Variants in CTNNA3 observed in about 807,000 individuals in gnomAD.
The protein encoded by CTNNA3 is catenin alpha-3.
CTNNA3 carries 76 observed loss-of-function variants against 95.7 expected under a neutral mutation model. That is an observed-to-expected ratio of 0.79 (90% CI 0.66 to 0.96). The LOEUF (loss-of-function observed/expected upper bound fraction) is 0.96, where lower values mean the gene tolerates loss of function less well. Among genes scored for constraint, CTNNA3 ranks in the 40% least tolerant of loss-of-function variants. The pLI is 0.00. For missense variants in CTNNA3, 1,191 were observed against 1,089.8 expected, an observed-to-expected ratio of 1.09 and a Z score of -1.31; for synonymous variants, 431 against 374.4, an observed-to-expected ratio of 1.15 and a Z score of -1.74.
intron 15 of CTNNA3, among the ~76,000 whole-genome samples, chr10:66,015,587 T>G (rs896064936): frequency 1.3e-5 from 2 of 151,854 alleles, no homozygotes; most frequent in Admixed American, 1.3e-4. Flanking sequence ...TAGAAAAAGT[T>G]TGCCAACTTT....
intron 15 of CTNNA3, among the ~76,000 whole-genome samples, chr10:66,004,372 C>T (rs1401027654): frequency 6.6e-6 from 1 of 152,128 alleles, no homozygotes; most frequent in Admixed American, 6.5e-5. Flanking sequence ...AGAAATCTGG[C>T]ATGTATCTTT....
intron 10 of CTNNA3, among the ~76,000 whole-genome samples, chr10:66,617,219 T>C (rs1045260495): frequency 7.2e-5 from 11 of 151,932 alleles, no homozygotes; most frequent in Non-Finnish European, 1.5e-4. Context: ...TATGGTAACA[T>C]AATAAGTCAC....
At chr10:66,437,855 C>T (rs12251943) in intron 11 of CTNNA3, among the ~76,000 whole-genome samples, 17,825 of 152,014 alleles carry the variant, frequency 0.12, 1,512 homozygotes, top group African/African-American at 0.24. Flanking sequence ...TGGTCTTTGA[C>T]GTTGGTGATC....
intron 11 of CTNNA3, among the ~76,000 whole-genome samples, chr10:66,400,521 T>A (rs1055800637): frequency 1.3e-5 from 2 of 152,022 alleles, no homozygotes; most frequent in Non-Finnish European, 2.9e-5. Context: ...GTGATATATA[T>A]AGATATAGAT....
intron 11 of CTNNA3, among the ~76,000 whole-genome samples, chr10:66,420,937 G>A (rs1490960182): frequency 2.6e-5 from 4 of 152,088 alleles, no homozygotes; most frequent in South Asian, 2.1e-4. Context: ...AAAAGAAATC[G>A]GTATATCAAA....
chr10:66,145,956 C>T (rs1329161311), intron 13 of CTNNA3, among the ~76,000 whole-genome samples: 2 of 152,148 alleles, frequency 1.3e-5, no homozygotes, highest in East Asian at 1.9e-4. Flanking sequence ...CCGGTTCAAG[C>T]GATTCTCCTG....
chr10:66,323,542 T>G (rs1430776607), intron 12 of CTNNA3, among the ~76,000 whole-genome samples: 1 of 151,306 alleles, frequency 6.6e-6, no homozygotes, highest in East Asian at 2.0e-4. Flanking sequence ...TCCTAGCTAC[T>G]CAAGGAGGCT....
At chr10:67,050,660 A>G (rs1490283058) in intron 7 of CTNNA3, among the ~76,000 whole-genome samples, 2 of 152,194 alleles carry the variant, frequency 1.3e-5, no homozygotes, top group Non-Finnish European at 2.9e-5. Context: ...CGTGTCCTGC[A>G]TGGAATTTAA....
At chr10:67,467,792 C>T (rs1219443944) in intron 5 of CTNNA3, among the ~76,000 whole-genome samples, 3 of 151,940 alleles carry the variant, frequency 2.0e-5, no homozygotes, top group Non-Finnish European at 4.4e-5. Flanking sequence ...CTCACTGCAG[C>T]CTCGACCTCC....
At chr10:67,632,341 C>G (rs924279272) in intron 2 of CTNNA3, among the ~76,000 whole-genome samples, 12 of 151,824 alleles carry the variant, frequency 7.9e-5, no homozygotes, top group African/African-American at 2.9e-4. Context: ...TTCTCCTCCT[C>G]CCCTGGGGTA....
chr10:66,754,580 C>A (rs1363463679), intron 9 of CTNNA3, among the ~76,000 whole-genome samples: 3 of 151,998 alleles, frequency 2.0e-5, no homozygotes, highest in East Asian at 3.9e-4. Context: ...GAAAAGAGAA[C>A]CCACAGCATG....
intron 9 of CTNNA3, among the ~76,000 whole-genome samples, chr10:66,729,210 A>G (rs965572267): frequency 6.6e-6 from 1 of 152,364 alleles, no homozygotes; most frequent in Non-Finnish European, 1.5e-5. Context: ...ACAGCTCAAC[A>G]TCACTGATCA....
rs1474337316 is a variant in CTNNA3, at chr10:66,586,758, T to A, written c.1374+34934A>T. On this transcript the variant is annotated intron_variant, in intron 10 of 17. Transcript: ENST00000433211. ...TGACTGTTGGGGTAGAGCTGCAGAC[T>A]TTCCCCACTGAGCCCAGCACTGCAC... is the stretch of plus-strand genomic sequence containing the variant. Among the ~76,000 whole-genome samples, 4 of 152,114 alleles carry A rather than the reference T, an allele frequency of 2.6e-5. No homozygotes were observed. In the South Asian group the frequency reaches 8.3e-4, roughly 32 times the overall value.
intron 10 of CTNNA3, among the ~76,000 whole-genome samples, chr10:66,528,489 C>A (rs1236832909): frequency 1.3e-5 from 2 of 152,104 alleles, no homozygotes; most frequent in African/African-American, 2.4e-5. Flanking sequence ...TATTTACAGG[C>A]ATCTCATTTG....
At chr10:67,186,760 T>C (rs182369755) in intron 6 of CTNNA3, among the ~76,000 whole-genome samples, 7 of 152,318 alleles carry the variant, frequency 4.6e-5, no homozygotes, top group African/African-American at 1.7e-4. Context: ...TGCCACTCCA[T>C]TGAAATAGAA....
chr10:65,961,823 TTTGC>T, intron 17 of CTNNA3, among the ~76,000 whole-genome samples: 1 of 152,112 alleles, frequency 6.6e-6, no homozygotes, highest in South Asian at 2.1e-4. Context: ...GTAAGGAATG[TTTGC>T]TTCAGTTTCT....
chr10:66,369,894 A>G (rs1043220139), intron 12 of CTNNA3, among the ~76,000 whole-genome samples: 4 of 152,100 alleles, frequency 2.6e-5, no homozygotes, highest in Non-Finnish European at 4.4e-5. Context: ...ATATAATTAT[A>G]CCCATTGTAA....
chr10:66,769,708 C>T (rs1840009136), intron 8 of CTNNA3, among the ~76,000 whole-genome samples: 2 of 152,178 alleles, frequency 1.3e-5, no homozygotes. Flanking sequence ...GGGGGAAACC[C>T]TCAACCTATG....
intron 7 of CTNNA3, among the ~76,000 whole-genome samples, chr10:66,839,401 A>AT (rs1356094187): frequency 1.3e-5 from 2 of 152,170 alleles, no homozygotes; most frequent in Non-Finnish European, 2.9e-5. Context: ...CTTAGCTGAC[A>AT]TATGACATGA....
Sources: gnomAD v4.1 joint callset for allele counts (sites outside exome capture counted in the v4.1 genomes callset) on GRCh38, gnomAD v4.1.1 for gene constraint, MANE v1.5 for transcripts, NCBI Gene and HGNC (gene_info 2026-07-23, HGNC 2026-07-21) for gene names.